Variants in NPAS2 observed in about 807,000 individuals in gnomAD.
The protein encoded by NPAS2 is neuronal PAS domain-containing protein 2.
In NPAS2, 23 loss-of-function variants were observed where a neutral mutation model predicts 107.5. The ratio of observed to expected loss-of-function variants is 0.21; its 90% CI spans 0.15 to 0.30. The LOEUF (loss-of-function observed/expected upper bound fraction) is 0.30. Ranked by LOEUF, NPAS2 falls within the 10% of genes least tolerant of loss-of-function variation. The pLI, the probability that NPAS2 is intolerant of heterozygous loss-of-function variation, is 1.00. For synonymous variants in NPAS2, 403 were observed against 417.5 expected, an observed-to-expected ratio of 0.97 and a Z score of 0.42; for missense variants, 756 against 1,043.3, an observed-to-expected ratio of 0.72 and a Z score of 3.79.
At chr2:100,929,348 TG>T (rs1291036126) in intron 3 of NPAS2, among the ~76,000 whole-genome samples, 1 of 152,180 alleles carries the variant, frequency 6.6e-6, no homozygotes, top group Non-Finnish European at 1.5e-5. Flanking sequence ...CTACACTCAA[TG>T]GCTGCTCCAC....
At chr2:100,977,650 A>G (rs921646750) in intron 14 of NPAS2, 60 bp from the exon 15 acceptor site, 5 of 1,452,190 alleles carry the variant, frequency 3.4e-6, no homozygotes, top group East Asian at 2.3e-5. Context: ...CCAAGAGACC[A>G]CATCCCTGTC....
intron 1 of NPAS2, among the ~76,000 whole-genome samples, chr2:100,850,472 A>G (rs1026398372): frequency 6.6e-6 from 1 of 152,194 alleles, no homozygotes; most frequent in Admixed American, 6.5e-5. Context: ...AATAATGTGC[A>G]AAGAAAAAGG....
intron 10 of NPAS2, among the ~76,000 whole-genome samples, chr2:100,967,742 TGGGG>T (rs1042275146): frequency 1.2e-4 from 18 of 151,982 alleles, no homozygotes; most frequent in African/African-American, 4.3e-4. Context: ...GACATCACTA[TGGGG>T]GGGCTGCAAG....
At chr2:100,978,159 C>T (rs1288211378) in intron 15 of NPAS2, among the ~76,000 whole-genome samples, 1 of 152,114 alleles carries the variant, frequency 6.6e-6, no homozygotes, top group Non-Finnish European at 1.5e-5. Flanking sequence ...TCACATCCCC[C>T]CACCCTTGCC....
At chr2:100,958,614 T>C (rs933520631) in intron 7 of NPAS2, among the ~76,000 whole-genome samples, 1 of 152,190 alleles carries the variant, frequency 6.6e-6, no homozygotes. Flanking sequence ...CACAGACACC[T>C]GGGGTTCATA....
chr2:100,823,085 A>T (rs1395661778), intron 1 of NPAS2, among the ~76,000 whole-genome samples: 2 of 152,150 alleles, frequency 1.3e-5, no homozygotes, highest in Non-Finnish European at 2.9e-5. Flanking sequence ...ATGCTCAGTA[A>T]ATAGGTGTGG....
At chr2:100,988,344 T>G (rs1205401967) in intron 17 of NPAS2, 68 bp downstream of exon 17, 4 of 1,381,068 alleles carry the variant, frequency 2.9e-6, no homozygotes, top group Non-Finnish European at 4.1e-6. Flanking sequence ...GTTTGGGACA[T>G]ACTTGATTCC....
At chr2:100,894,005 T>C (rs1330007798) in intron 1 of NPAS2, among the ~76,000 whole-genome samples, 1 of 152,176 alleles carries the variant, frequency 6.6e-6, no homozygotes, top group Non-Finnish European at 1.5e-5. Context: ...GACTGTCACT[T>C]GTATGACTCA....
At chr2:100,971,650 C>T (rs1676572147) in intron 12 of NPAS2, among the ~76,000 whole-genome samples, 1 of 152,172 alleles carries the variant, frequency 6.6e-6, no homozygotes, top group East Asian at 1.9e-4. Flanking sequence ...TCAGCGAGCC[C>T]TGCTGTAGAA....
chr2:100,982,491 C>T, intron 16 of NPAS2, 114 bp downstream of exon 16: 1 of 1,236,218 alleles, frequency 8.1e-7, no homozygotes. Context: ...CCCTGCCAAG[C>T]CCCATTTGCT....
At chr2:100,919,084 A>T (rs1422002961) in intron 2 of NPAS2, among the ~76,000 whole-genome samples, 1 of 152,226 alleles carries the variant, frequency 6.6e-6, no homozygotes, top group African/African-American at 2.4e-5. Flanking sequence ...ATTGACAGAC[A>T]CAAGTTGAAT....
intron 2 of NPAS2, among the ~76,000 whole-genome samples, chr2:100,922,641 C>T (rs1415698798): frequency 1.3e-5 from 2 of 152,026 alleles, no homozygotes; most frequent in African/African-American, 4.8e-5. Flanking sequence ...TCAAAACCTT[C>T]GTCCCAGTGT....
At chr2:100,954,226 G>A (rs1263175069) in intron 7 of NPAS2, among the ~76,000 whole-genome samples, 1 of 152,236 alleles carries the variant, frequency 6.6e-6, no homozygotes, top group Admixed American at 6.5e-5. Context: ...CCTGGTTGGG[G>A]TGTGAGCTTT....
chr2:100,867,892 AT>A (rs533476072), intron 1 of NPAS2, among the ~76,000 whole-genome samples: 3 of 151,604 alleles, frequency 2.0e-5, no homozygotes, highest in Non-Finnish European at 1.5e-5. Context: ...TATTTGTCCC[AT>A]TTTTTTCTGC....
At chr2:100,825,533 C>T (rs116658333) in intron 1 of NPAS2, among the ~76,000 whole-genome samples, 34 of 152,264 alleles carry the variant, frequency 2.2e-4, no homozygotes, top group South Asian at 2.1e-4. Flanking sequence ...CCATAATCAT[C>T]GCCCTATCTT....
intron 7 of NPAS2, among the ~76,000 whole-genome samples, chr2:100,951,027 A>G (rs989513166): frequency 2.6e-5 from 4 of 152,198 alleles, no homozygotes; most frequent in South Asian, 2.1e-4. Context: ...GGGTGAGGCA[A>G]CTTATTAAAA....
intron 5 of NPAS2, among the ~76,000 whole-genome samples, chr2:100,940,025 G>A (rs1180601442): frequency 6.6e-6 from 1 of 152,174 alleles, no homozygotes; most frequent in Non-Finnish European, 1.5e-5. Flanking sequence ...GGGCCAGGCA[G>A]TCCCCAAATT....
intron 1 of NPAS2, among the ~76,000 whole-genome samples, chr2:100,885,947 C>T (rs1680671421): frequency 6.6e-6 from 1 of 152,224 alleles, no homozygotes; most frequent in East Asian, 1.9e-4. Context: ...AGGCATGAGC[C>T]ACCGAACCCG....
intron 11 of NPAS2, among the ~76,000 whole-genome samples, chr2:100,969,175 TTC>T (rs1467320308): frequency 2.6e-4 from 40 of 151,922 alleles, no homozygotes; most frequent in Non-Finnish European, 4.9e-4. Flanking sequence ...CAGCATGCCT[TTC>T]TTTTTTTTTT....
Sources: gnomAD v4.1 joint callset for allele counts (sites outside exome capture counted in the v4.1 genomes callset) on GRCh38, gnomAD v4.1.1 for gene constraint, MANE v1.5 for transcripts, NCBI Gene and HGNC (gene_info 2026-07-23, HGNC 2026-07-21) for gene names.